The following ABCA13 variants were observed in gnomAD, a reference collection of about 807,000 sequenced individuals.
The protein encoded by ABCA13 is ATP-binding cassette sub-family A member 13.
A neutral mutation model predicts 478.7 loss-of-function variants in ABCA13; 476 were observed. The ratio of observed to expected loss-of-function variants is 0.99; its 90% CI spans 0.92 to 1.07. The LOEUF (loss-of-function observed/expected upper bound fraction) is 1.07. ABCA13 is among the 50% of genes least tolerant of loss of function. The pLI is 0.00. For synonymous variants in ABCA13, 2,252 were observed against 2,158.9 expected, an observed-to-expected ratio of 1.04 and a Z score of -1.20; for missense variants, 6,060 against 5,910.6, an observed-to-expected ratio of 1.03 and a Z score of -0.83.
chr7:48,409,423 C>A (rs1818694080), intron 39 of ABCA13, among the ~76,000 whole-genome samples: 2 of 152,174 alleles, frequency 1.3e-5, no homozygotes, highest in South Asian at 4.1e-4. Context: ...ATATTGGTTT[C>A]TGCCAAAGGA....
chr7:48,643,405 A>C lies in ABCA13; in HGVS notation c.14943+12A>C. ...GAATTCAGTTCAAGGTAGTGCTAAT[A>C]TCTTGTATTATTTCTTTGTTTTCAG... On this transcript the variant is annotated intron_variant, in intron 60 of 61. Coordinates refer to ENST00000435803, the MANE Select transcript of ABCA13 (RefSeq NM_152701.5). 6.4e-7 allele frequency: 1 copy of C among 1,571,760 alleles called. No individual in the cohort carries two copies. Among genetic ancestry groups the C allele is most frequent in the African/African-American group, 1.4e-5 (1 of 73,990 alleles).
rs1282075547 is a variant in ABCA13 at position 48,274,716 on chromosome 7, C to T, written c.5050C>T (p.Gln1684Ter). The T allele has an allele frequency of 1.2e-6, 2 of 1,613,980 alleles. No individual in the cohort carries two copies. The highest frequency in any genetic ancestry group is 1.7e-6 in the Non-Finnish European group (2 of 1,179,862). ...DIDLLVDQLEQVSVNLMDFFK... is the reference protein window; with the variant it reads ...DIDLLVDQLE ...AGACCTTTTAGTGGATCAGCTTGAA[C>T]AAGTTAGTGTAAACCTAATGGATTT... is the stretch of plus-strand genomic sequence containing the variant. The change falls in exon 17 of 62, where the codon CAA (glutamine) becomes TAA (stop). Residue 1684 changes from glutamine (Q) to a stop codon, truncating the protein, a stop_gained. Coordinates refer to ENST00000435803, the MANE Select transcript of ABCA13 (RefSeq NM_152701.5). LOFTEE classifies it high-confidence loss of function.
intron 15 of ABCA13, among the ~76,000 whole-genome samples, chr7:48,251,149 T>C (rs2128696337): frequency 6.6e-6 from 1 of 152,274 alleles, no homozygotes; most frequent in East Asian, 1.9e-4. Flanking sequence ...TGATGGTAAC[T>C]TCTCCAATGA....
intron 40 of ABCA13, 60 bp downstream of exon 40, chr7:48,410,737 C>A (rs1248860164): frequency 1.3e-6 from 2 of 1,563,356 alleles, no homozygotes; most frequent in Admixed American, 3.6e-5. Flanking sequence ...GCATAAGAAA[C>A]AAGTGGTGAC....
chr7:48,222,183 CATCTT>C (rs1787465773), intron 5 of ABCA13, among the ~76,000 whole-genome samples: 1 of 152,182 alleles, frequency 6.6e-6, no homozygotes, highest in South Asian at 2.1e-4. Context: ...AACAAACACT[CATCTT>C]AACTTGGAGA....
At chr7:48,366,656 C>T (rs1377223606) in intron 31 of ABCA13, among the ~76,000 whole-genome samples, 5 of 152,120 alleles carry the variant, frequency 3.3e-5, no homozygotes, top group Non-Finnish European at 5.9e-5. Flanking sequence ...AGAGGCAACC[C>T]TGCTTCATAA....
chr7:48,370,730 G>C (rs1467171079), intron 32 of ABCA13, among the ~76,000 whole-genome samples: 1 of 152,136 alleles, frequency 6.6e-6, no homozygotes, highest in East Asian at 1.9e-4. Context: ...TATTGCAAAA[G>C]CGATGCTAAG....
rs1487860574 is a variant in ABCA13, at chr7:48,501,804, A to G, written c.13292-4532A>G. 4.6e-5 allele frequency among the ~76,000 whole-genome samples: 7 copies of G among 152,140 alleles called. No individual in the cohort carries two copies. In the East Asian group the frequency reaches 1.3e-3, roughly 29 times the overall value. On this transcript the variant is annotated intron_variant, in intron 48 of 61. Coordinates refer to ENST00000435803, the MANE Select transcript of ABCA13 (RefSeq NM_152701.5). ...GTTTTCATTTCTATGTTATGCTGTC[A>G]TTGGGATCCATTGCGGCTCATTGTA...
intron 58 of ABCA13, chr7:48,612,056 A>G (rs892471143): frequency 6.6e-6 from 1 of 152,142 alleles, no homozygotes; most frequent in African/African-American, 2.4e-5. Flanking sequence ...CGCTAAATTC[A>G]TGTCAGTGGG....
rs538127881 is a variant in ABCA13, at chr7:48,525,670, CT to C, written c.14244+1253del. Among the ~76,000 whole-genome samples, 662 of 68,290 alleles carry C rather than the reference CT, an allele frequency of 9.7e-3. 9 individuals are homozygous for C. The highest frequency in any genetic ancestry group is 0.021 in the African/African-American group (422 of 20,008). The allele number at this position is 68,290 out of a possible 152,430, so 44.8% of individuals were successfully genotyped here. On this transcript the variant is annotated intron_variant, in intron 54 of 61. Transcript: ENST00000435803. ...AGCAAGGCCTCTCTGTTTAGATGCG[CT>C]TTTTTTTTTTTTTTTTTTTTTTGAG...
intron 28 of ABCA13, among the ~76,000 whole-genome samples, chr7:48,337,788 T>C (rs1467398608): frequency 6.6e-6 from 1 of 152,188 alleles, no homozygotes; most frequent in East Asian, 1.9e-4. Flanking sequence ...TGTCATGAAG[T>C]TGATGAAAAA....
At chr7:48,587,862 A>G (rs1440602196) in intron 57 of ABCA13, among the ~76,000 whole-genome samples, 1 of 152,212 alleles carries the variant, frequency 6.6e-6, no homozygotes, top group Non-Finnish European at 1.5e-5. Flanking sequence ...TTGTCAAGAA[A>G]TGGAGTTAAT....
At chr7:48,438,663 A>G (rs889005087) in intron 42 of ABCA13, among the ~76,000 whole-genome samples, 6 of 151,310 alleles carry the variant, frequency 4.0e-5, no homozygotes, top group African/African-American at 1.5e-4. Context: ...ACTTATCAAA[A>G]TTTTACCAGT....
rs1432137410 is a variant in ABCA13, at chr7:48,410,510, T to C, written c.12071-10T>C. ...CTCCTGGTGCTGATGCACCCTGTGCTTGGACCCAGGTCGTACGATCATCTT... is the reference window on the plus strand; with the variant it reads ...CTCCTGGTGCTGATGCACCCTGTGCCTGGACCCAGGTCGTACGATCATCTT... On this transcript the variant is annotated splice_polypyrimidine_tract_variant and intron_variant, in intron 39 of 61. Coordinates refer to ENST00000435803, the MANE Select transcript of ABCA13 (RefSeq NM_152701.5). 1.2e-6 allele frequency: 2 copies of C among 1,613,994 alleles called. No homozygotes were observed. Among genetic ancestry groups the C allele is most frequent in the Non-Finnish European group, 1.7e-6 (2 of 1,179,868 alleles).
At chr7:48,340,541 A>G (rs1806991570) in intron 29 of ABCA13, among the ~76,000 whole-genome samples, 1 of 152,254 alleles carries the variant, frequency 6.6e-6, no homozygotes, top group South Asian at 2.1e-4. Context: ...TAGCTATTTT[A>G]AAAGCCTCGG....
intron 31 of ABCA13, among the ~76,000 whole-genome samples, chr7:48,353,952 T>G (rs1809469604): frequency 6.6e-6 from 1 of 152,066 alleles, no homozygotes; most frequent in African/African-American, 2.4e-5. Flanking sequence ...TATTTTTGGC[T>G]ATGAACATTT....
intron 42 of ABCA13, 35 bp downstream of exon 42, chr7:48,427,906 A>G: frequency 7.2e-7 from 1 of 1,387,858 alleles, no homozygotes; most frequent in Non-Finnish European, 1.0e-6. Flanking sequence ...TTTCTGCTGG[A>G]GGAACAATGA....
At chr7:48,502,581 T>C (rs1324688974) in intron 48 of ABCA13, among the ~76,000 whole-genome samples, 1 of 152,160 alleles carries the variant, frequency 6.6e-6, no homozygotes, top group Admixed American at 6.5e-5. Context: ...GGCTATAGTC[T>C]TAGGAAAACC....
chr7:48,361,656 T>C (rs1810855194), intron 31 of ABCA13, among the ~76,000 whole-genome samples: 1 of 151,822 alleles, frequency 6.6e-6, no homozygotes, highest in African/African-American at 2.4e-5. Flanking sequence ...ATTATGTAGG[T>C]AATATATTTA....
Sources: allele counts gnomAD v4.1 joint callset (sites outside exome capture counted in the v4.1 genomes callset), GRCh38; gene constraint gnomAD v4.1.1; transcripts MANE v1.5; gene names NCBI Gene and HGNC (gene_info 2026-07-23, HGNC 2026-07-21).